The following AFP variants were observed in gnomAD, a reference collection of about 807,000 sequenced individuals.
AFP encodes alpha fetoprotein, also known as alpha-fetoprotein.
A neutral mutation model predicts 78.9 loss-of-function variants in AFP; 64 were observed. The ratio of observed to expected loss-of-function variants is 0.81; its 90% CI spans 0.66 to 1.00. The LOEUF is 1.00. AFP is among the 50% of genes least tolerant of loss of function. The probability of loss-of-function intolerance (pLI) is 0.00; values close to 1 mark genes in which losing one functional copy is unlikely to be tolerated. For missense variants in AFP, 689 were observed against 703.8 expected (o/e 0.98, Z 0.24); for synonymous variants, 254 against 243.8 (o/e 1.04, Z -0.39).
chr4:73,444,892 C>T (rs1481226700), intron 6 of AFP, 101 bp from the exon 7 acceptor site: 3 of 1,047,080 alleles, frequency 2.9e-6, no homozygotes, highest in South Asian at 3.2e-5. Flanking sequence ...GAATTTCAGT[C>T]ATTTCTCTTT....
intron 6 of AFP, 56 bp from the exon 7 acceptor site, chr4:73,444,937 A>G: frequency 2.1e-6 from 3 of 1,458,750 alleles, no homozygotes; most frequent in Non-Finnish European, 9.5e-7. Flanking sequence ...TATAAATTCT[A>G]TTTTATTTTG....
rs1022795003 is a variant in AFP at position 73,452,267 on chromosome 4, T to C, written c.1429-134T>C. On this transcript the variant is annotated intron_variant, in intron 11 of 14. Coordinates refer to ENST00000395792, the MANE Select transcript of AFP (RefSeq NM_001134.3). ...CAATATAATGTCACATGATCCTACA[T>C]AGCAAATTTTCCTGTAATATTAATT... The C allele has an allele frequency of 1.1e-5, 8 of 756,508 alleles. No individual in the cohort carries two copies. In the African/African-American group the frequency reaches 1.4e-4, roughly 13 times the overall value. 46.9% of individuals were successfully genotyped at this position (756,508 alleles called of 1,614,324 possible).
chr4:73,450,232 G>A (rs1437949168), intron 10 of AFP, 99 bp downstream of exon 10: 1 of 1,029,742 alleles, frequency 9.7e-7, no homozygotes, highest in African/African-American at 1.6e-5. Context: ...AATGACCTGT[G>A]AGGTCTGATC....
At chr4:73,440,933 T>A (rs898647345) in intron 4 of AFP, 120 bp downstream of exon 4, 2 of 1,001,220 alleles carry the variant, frequency 2.0e-6, no homozygotes, top group East Asian at 5.2e-5. Flanking sequence ...TTCTTTGGTG[T>A]TGTGTCTGCT....
Position 73,438,239 on chromosome 4 carries a change from A to C in AFP, c.203A>C (p.Lys68Thr). The C allele has an allele frequency of 6.2e-7, 1 of 1,613,574 alleles. No individual in the cohort carries two copies. Among genetic ancestry groups the C allele is most frequent in the Non-Finnish European group, 8.5e-7 (1 of 1,179,594 alleles). Residue 68 changes from lysine to threonine, a missense_variant, in exon 3 of 15, where the codon AAA becomes ACA. Lys to Thr is a moderately conservative substitution (Grantham distance 78, BLOSUM62 -1). Coordinates refer to ENST00000395792, the MANE Select transcript of AFP (RefSeq NM_001134.3). ...TACAAGGAAGTAAGCAAAATGGTGA[A>C]AGATGCATTGACTGCAATTGAGAAA... ...ATYKEVSKMV[K>T]DALTAIEKPT...
intron 7 of AFP, 23 bp from the exon 8 acceptor site, chr4:73,447,437 TTA>T: frequency 6.5e-7 from 1 of 1,536,470 alleles, no homozygotes; most frequent in Non-Finnish European, 8.9e-7. Context: ...TCTTTAAAAC[TTA>T]TACTTTATTT....
Position 73,437,186 on chromosome 4 carries a change from A to G in AFP, c.112A>G (p.Thr38Ala). The change falls in exon 2 of 15, where the codon ACT (threonine) becomes GCT (alanine). Residue 38 changes from threonine to alanine, a missense_variant. Thr to Ala is a moderately conservative substitution (Grantham distance 58, BLOSUM62 0). Coordinates refer to ENST00000395792, the MANE Select transcript of AFP (RefSeq NM_001134.3). ...TTCCATATTGGATTCTTACCAATGT[A>G]CTGCAGAGATAAGTTTAGCTGACCT... is the stretch of plus-strand genomic sequence containing the variant. Reference protein sequence around the residue: ...IASILDSYQCTAEISLADLAT... With the variant: ...IASILDSYQCAAEISLADLAT... The G allele has an allele frequency of 1.2e-6, 2 of 1,611,060 alleles. No individual in the cohort carries two copies. The highest frequency in any genetic ancestry group is 4.5e-5 in the East Asian group (2 of 44,732).
chr4:73,453,614 T>G (rs1421751788), intron 12 of AFP, 151 bp from the exon 13 acceptor site: 1 of 847,298 alleles, frequency 1.2e-6, no homozygotes, highest in Non-Finnish European at 1.9e-6. Flanking sequence ...ATCTTTCTAC[T>G]GAAAGTACTA....
chr4:73,445,585 C>G (rs924717565), intron 7 of AFP, among the ~76,000 whole-genome samples: 1 of 152,158 alleles, frequency 6.6e-6, no homozygotes, highest in Non-Finnish European at 1.5e-5. Flanking sequence ...AAGACAGTGA[C>G]CTCCTTGGAG....
At chr4:73,449,997 G>T (rs1415800240) in intron 9 of AFP, 39 bp from the exon 10 acceptor site, 3 of 1,459,318 alleles carry the variant, frequency 2.1e-6, no homozygotes, top group Non-Finnish European at 2.8e-6. Flanking sequence ...ATGCATCCAA[G>T]AAAAGAAAAA....
rs1430035280 is a variant in AFP at position 73,440,794 on chromosome 4, A to G, written c.463A>G (p.Arg155Gly). Residue 155 changes from arginine to glycine, a missense_variant, in exon 4 of 15, where the codon AGG (arginine) becomes GGG (glycine). Physicochemically the swap from Arg to Gly is moderately radical, Grantham distance 125. Transcript: ENST00000395792. ...VTSCEAYEED[R>G]ETFMNKFIYE... ...AAGCTGTGAAGCATATGAAGAAGAC[A>G]GGGAGACATTCATGAACAAGTAAGG... 2 of 1,613,880 alleles carry G rather than the reference A, an allele frequency of 1.2e-6. No homozygotes were observed. The highest frequency in any genetic ancestry group is 3.3e-5 in the Admixed American group (2 of 60,002).
rs1416248373 is a variant in AFP at position 73,449,906 on chromosome 4, A to C, written c.1192-130A>C. 1.2e-5 allele frequency: 8 copies of C among 657,262 alleles called. No homozygotes were observed. The Admixed American group carries it at 1.9e-4, about 15-fold the overall frequency. The allele number at this position is 657,262 out of a possible 1,614,324, so 40.7% of individuals were successfully genotyped here. ...ATTTTCTGTAATTATCAAAATTTAC[A>C]CTTTACCATATTTAATATTTAAACA... On this transcript the variant is annotated intron_variant, in intron 9 of 14. Coordinates refer to ENST00000395792, the MANE Select transcript of AFP (RefSeq NM_001134.3).
At chr4:73,440,906 A>G in intron 4 of AFP, 93 bp downstream of exon 4, 4 of 1,153,330 alleles carry the variant, frequency 3.5e-6, no homozygotes, top group Non-Finnish European at 4.9e-6. Flanking sequence ...ATGTACTCCC[A>G]GTAAGAGGTA....
intron 13 of AFP, among the ~76,000 whole-genome samples, chr4:73,454,462 T>A (rs939047106): frequency 6.6e-6 from 1 of 152,130 alleles, no homozygotes; most frequent in Non-Finnish European, 1.5e-5. Flanking sequence ...GAGGCATGAT[T>A]GACAAATACA....
chr4:73,452,429 T>C lies in AFP; in HGVS notation c.1457T>C (p.Ile486Thr). ...AADIIIGHLC[I>T]RHEMTPVNPG... ...GACATTATTATCGGACACTTATGTA[T>C]CAGACATGAAATGACTCCAGTAAAC... The change falls in exon 12 of 15, where the codon ATC (isoleucine) becomes ACC (threonine). Residue 486 changes from isoleucine to threonine, a missense_variant. Physicochemically the swap from Ile to Thr is moderately conservative, Grantham distance 89. Transcript: ENST00000395792. 1 of 1,614,090 alleles carries C rather than the reference T, an allele frequency of 6.2e-7. No homozygotes were observed. The highest frequency in any genetic ancestry group is 8.5e-7 in the Non-Finnish European group (1 of 1,179,952).
intron 7 of AFP, 144 bp from the exon 8 acceptor site, chr4:73,447,318 C>A: frequency 1.0e-5 from 4 of 396,938 alleles, no homozygotes; most frequent in Non-Finnish European, 1.4e-5. Context: ...TTCCCTTTCC[C>A]CTTCCTTCTT....
chr4:73,453,081 G>A (rs1720051684), intron 12 of AFP, among the ~76,000 whole-genome samples: 1 of 152,178 alleles, frequency 6.6e-6, no homozygotes, highest in Non-Finnish European at 1.5e-5. Context: ...GTACATTTCA[G>A]TTCATTGTGG....
chr4:73,447,684 A>C lies in AFP; in HGVS notation c.1058+8A>C, dbSNP rs1560395782. ...AAATATCTTCTTGGCAAGGTAACAC[A>C]CTCTGTAAATGCATGTTCATGCAAG... On this transcript the variant is annotated splice_region_variant and intron_variant, in intron 8 of 14. Transcript: ENST00000395792. The C allele has an allele frequency of 6.3e-7, 1 of 1,597,782 alleles. No individual in the cohort carries two copies. The highest frequency in any genetic ancestry group is 8.6e-7 in the Non-Finnish European group (1 of 1,167,438).
intron 2 of AFP, among the ~76,000 whole-genome samples, chr4:73,437,563 A>C (rs1279632021): frequency 6.6e-6 from 1 of 152,032 alleles, no homozygotes; most frequent in Non-Finnish European, 1.5e-5. Context: ...ATACTATTTA[A>C]ATCTTAGCAG....
Sources: gnomAD v4.1 joint callset for allele counts (sites outside exome capture counted in the v4.1 genomes callset) on GRCh38, gnomAD v4.1.1 for gene constraint, MANE v1.5 for transcripts, NCBI Gene and HGNC (gene_info 2026-07-23, HGNC 2026-07-21) for gene names.